NRXN3: variants seen among roughly 807,000 people sequenced by gnomAD.
NRXN3 encodes neurexin III.
NRXN3 carries 32 observed loss-of-function variants against 137.6 expected under a neutral mutation model. That is an observed-to-expected ratio of 0.23 (90% CI 0.18 to 0.31). NRXN3 has a LOEUF of 0.31. Ranked by LOEUF, NRXN3 falls within the 10% of genes least tolerant of loss-of-function variation. The pLI is 1.00. For missense variants in NRXN3, 1,574 were observed against 2,062.5 expected, an observed-to-expected ratio of 0.76 and a Z score of 4.59; for synonymous variants, 798 against 784.5, an observed-to-expected ratio of 1.02 and a Z score of -0.29.
At chr14:78,839,605 C>T (rs1047543303) in intron 10 of NRXN3, among the ~76,000 whole-genome samples, 6 of 152,144 alleles carry the variant, frequency 3.9e-5, no homozygotes, top group African/African-American at 1.2e-4. Flanking sequence ...ACAGACTACT[C>T]TTCGAGTGAG....
chr14:78,847,951 A>G (rs1176339242), intron 10 of NRXN3, among the ~76,000 whole-genome samples: 2 of 152,098 alleles, frequency 1.3e-5, no homozygotes, highest in Non-Finnish European at 2.9e-5. Flanking sequence ...CACATGGGAA[A>G]GGAAATCTGG....
chr14:79,188,956 A>C (rs930430971), intron 15 of NRXN3, among the ~76,000 whole-genome samples: 10 of 152,324 alleles, frequency 6.6e-5, no homozygotes, highest in Non-Finnish European at 1.5e-4. Flanking sequence ...AAACTAGTTC[A>C]ACCCTTGTGG....
At chr14:79,029,496 T>C (rs1009982702) in intron 15 of NRXN3, among the ~76,000 whole-genome samples, 2 of 152,192 alleles carry the variant, frequency 1.3e-5, no homozygotes, top group African/African-American at 2.4e-5. Context: ...GTTTCAGGAA[T>C]GGCAAATTCC....
At chr14:79,602,014 A>G (rs570798389) in intron 16 of NRXN3, among the ~76,000 whole-genome samples, 1 of 152,308 alleles carries the variant, frequency 6.6e-6, no homozygotes, top group Non-Finnish European at 1.5e-5. Flanking sequence ...AGACTTTTAT[A>G]AAAAGTCTGA....
At chr14:79,004,906 A>G (rs1321178127) in intron 15 of NRXN3, among the ~76,000 whole-genome samples, 2 of 152,240 alleles carry the variant, frequency 1.3e-5, no homozygotes, top group East Asian at 3.9e-4. Context: ...GACCTTCAGG[A>G]TGTAAAAAAT....
chr14:79,714,874 A>G (rs2154055813), intron 19 of NRXN3, among the ~76,000 whole-genome samples: 1 of 152,304 alleles, frequency 6.6e-6, no homozygotes, highest in African/African-American at 2.4e-5. Context: ...TTTCCTTTGC[A>G]ATGCACTATG....
At position 79,862,783 on chromosome 14, in the gene NRXN3, T is replaced by C. The variant is rs2099415536; in HGVS notation, c.*819T>C. ...ATTCATGTGACGGATGATAAATTGA[T>C]TCGAAAAGCTGGTCCCCCAGGATCT... On this transcript the variant is annotated 3_prime_UTR_variant, in exon 21 of 21. Coordinates refer to ENST00000335750, the MANE Select transcript of NRXN3 (RefSeq NM_001330195.2). The C allele has an allele frequency of 6.6e-6, 1 of 152,598 alleles. No individual in the cohort carries two copies. The highest frequency in any genetic ancestry group is 1.5e-5 in the Non-Finnish European group (1 of 68,034). 9.5% of individuals were successfully genotyped at this position (152,598 alleles called of 1,614,324 possible).
At chr14:79,462,198 A>G (rs998912261) in intron 15 of NRXN3, among the ~76,000 whole-genome samples, 1 of 151,590 alleles carries the variant, frequency 6.6e-6, no homozygotes, top group African/African-American at 2.4e-5. Flanking sequence ...ACATGGTGAA[A>G]CCCCGTCTCT....
At chr14:79,686,834 A>T (rs1279310545) in intron 17 of NRXN3, among the ~76,000 whole-genome samples, 2 of 152,160 alleles carry the variant, frequency 1.3e-5, no homozygotes, top group African/African-American at 4.8e-5. Context: ...GTCTGCTCGT[A>T]TATATTTGCC....
intron 16 of NRXN3, among the ~76,000 whole-genome samples, chr14:79,528,650 G>A (rs2097142825): frequency 1.0e-5 from 1 of 97,714 alleles, no homozygotes; most frequent in Non-Finnish European, 2.1e-5. Context: ...GTTCTAAAAT[G>A]TGTATGGTAA....
intron 15 of NRXN3, among the ~76,000 whole-genome samples, chr14:79,002,850 C>T (rs1477094778): frequency 6.6e-6 from 1 of 152,132 alleles, no homozygotes; most frequent in African/African-American, 2.4e-5. Flanking sequence ...TAAACGTGTT[C>T]CTGTTTCTCC....
intron 16 of NRXN3, among the ~76,000 whole-genome samples, chr14:79,557,466 G>A (rs2097442003): frequency 6.6e-6 from 1 of 152,120 alleles, no homozygotes; most frequent in Non-Finnish European, 1.5e-5. Flanking sequence ...AGACTTTGGA[G>A]ATGTTGTGGA....
At chr14:79,759,578 C>A (rs780267890) in intron 19 of NRXN3, among the ~76,000 whole-genome samples, 8 of 151,534 alleles carry the variant, frequency 5.3e-5, no homozygotes, top group Non-Finnish European at 1.0e-4. Flanking sequence ...ATGACAATTG[C>A]TTTATTATGT....
chr14:78,526,797 G>A (rs770111164), intron 4 of NRXN3: 1 of 516,116 alleles, frequency 1.9e-6, no homozygotes, highest in Admixed American at 1.9e-5. Flanking sequence ...GAAATAAACA[G>A]CGATGAATAA....
At chr14:78,760,469 C>T in intron 8 of NRXN3, among the ~76,000 whole-genome samples, 1 of 147,628 alleles carries the variant, frequency 6.8e-6, no homozygotes. Flanking sequence ...TACCCTCTTT[C>T]TTTGGTAAAA....
rs971836420 is a variant in NRXN3 at position 78,812,571 on chromosome 14, C to T, written c.2275+2227C>T. Among the ~76,000 whole-genome samples, 7 of 152,136 alleles carry T rather than the reference C, an allele frequency of 4.6e-5. No homozygotes were observed. The South Asian group carries it at 6.2e-4, about 14-fold the overall frequency. ...CCCATATATTCCACATGATCAGCCA[C>T]GGAAAGTCATCATAAGACAACTCCC... On this transcript the variant is annotated intron_variant, in intron 10 of 20. Coordinates refer to ENST00000335750, the MANE Select transcript of NRXN3 (RefSeq NM_001330195.2).
At chr14:78,898,711 A>G (rs752490867) in intron 10 of NRXN3, among the ~76,000 whole-genome samples, 1 of 151,786 alleles carries the variant, frequency 6.6e-6, no homozygotes, top group East Asian at 1.9e-4. Flanking sequence ...TTGCCCATCT[A>G]TCTTTTAAGC....
At chr14:79,381,230 A>G (rs1185320612) in intron 15 of NRXN3, among the ~76,000 whole-genome samples, 2 of 151,362 alleles carry the variant, frequency 1.3e-5, no homozygotes, top group Admixed American at 1.3e-4. Context: ...TTGAAAAATA[A>G]TAGAATCCCT....
At chr14:78,331,693 C>T (rs2080839669) in intron 4 of NRXN3, among the ~76,000 whole-genome samples, 1 of 152,198 alleles carries the variant, frequency 6.6e-6, no homozygotes, top group African/African-American at 2.4e-5. Flanking sequence ...ATGCTGTTCA[C>T]TTCCAAAGAA....
Sources: allele counts gnomAD v4.1 joint callset (sites outside exome capture counted in the v4.1 genomes callset), GRCh38; gene constraint gnomAD v4.1.1; transcripts MANE v1.5; gene names NCBI Gene and HGNC (gene_info 2026-07-23, HGNC 2026-07-21).